The following DPYD variants were observed in gnomAD, a reference collection of about 807,000 sequenced individuals.
DPYD encodes the protein dihydropyrimidine dehydrogenase [NADP(+)].
A neutral mutation model predicts 116.2 loss-of-function variants in DPYD; 109 were observed. The ratio of observed to expected loss-of-function variants is 0.94; its 90% CI spans 0.80 to 1.10. The LOEUF (loss-of-function observed/expected upper bound fraction) is 1.10. Ranked by LOEUF, DPYD falls within the 50% of genes least tolerant of loss-of-function variation. The pLI, the probability that DPYD is intolerant of heterozygous loss-of-function variation, is 0.00. For missense variants in DPYD, 1,302 were observed against 1,254.5 expected, an observed-to-expected ratio of 1.04 and a Z score of -0.57; for synonymous variants, 440 against 432.0, an observed-to-expected ratio of 1.02 and a Z score of -0.23.
intron 14 of DPYD, among the ~76,000 whole-genome samples, chr1:97,390,817 T>C (rs1387169838): frequency 3.9e-5 from 6 of 151,930 alleles, no homozygotes; most frequent in Admixed American, 3.9e-4. Flanking sequence ...TACAGTAACT[T>C]GCTTTTTCCT....
intron 5 of DPYD, among the ~76,000 whole-genome samples, chr1:97,711,311 C>T (rs986806715): frequency 1.6e-4 from 25 of 151,872 alleles, no homozygotes; most frequent in African/African-American, 4.6e-4. Context: ...TATCCAAAAT[C>T]ATATGCTCAG....
At chr1:97,504,211 C>T (rs1192989472) in intron 13 of DPYD, among the ~76,000 whole-genome samples, 1 of 151,948 alleles carries the variant, frequency 6.6e-6, no homozygotes, top group Non-Finnish European at 1.5e-5. Flanking sequence ...GTGTTCCCCG[C>T]AGTTTTATTT....
At chr1:97,852,035 A>AG (rs1670595803) in intron 2 of DPYD, among the ~76,000 whole-genome samples, 3 of 151,432 alleles carry the variant, frequency 2.0e-5, no homozygotes, top group South Asian at 2.1e-4. Context: ...AAAAAAAAAA[A>AG]AAAGAAAGAA....
intron 3 of DPYD, among the ~76,000 whole-genome samples, chr1:97,770,696 T>C (rs1666092817): frequency 6.6e-6 from 1 of 152,190 alleles, no homozygotes; most frequent in African/African-American, 2.4e-5. Flanking sequence ...TTTCATTAAA[T>C]TGGGAAACTT....
intron 1 of DPYD, among the ~76,000 whole-genome samples, chr1:97,900,889 C>T (rs1379382746): frequency 6.6e-6 from 1 of 151,870 alleles, no homozygotes; most frequent in Non-Finnish European, 1.5e-5. Context: ...GCAAAACACC[C>T]TATCTCTATT....
intron 13 of DPYD, among the ~76,000 whole-genome samples, chr1:97,451,712 G>A (rs1329936696): frequency 6.6e-6 from 1 of 152,114 alleles, no homozygotes; most frequent in Non-Finnish European, 1.5e-5. Flanking sequence ...GTCCCTACAG[G>A]TGGCTCTGTG....
intron 11 of DPYD, among the ~76,000 whole-genome samples, chr1:97,569,333 A>G (rs915981283): frequency 6.6e-6 from 1 of 151,422 alleles, no homozygotes; most frequent in East Asian, 1.9e-4. Context: ...ACACAATTCA[A>G]TTCAATAAAT....
intron 4 of DPYD, among the ~76,000 whole-genome samples, chr1:97,725,431 T>G (rs1315513370): frequency 6.6e-6 from 1 of 151,602 alleles, no homozygotes; most frequent in Non-Finnish European, 1.5e-5. Context: ...CAGCTGAGTT[T>G]GCAAAAATTG....
chr1:97,079,820 T>C (rs989766780), intron 22 of DPYD, among the ~76,000 whole-genome samples: 80 of 152,026 alleles, frequency 5.3e-4, no homozygotes, highest in African/African-American at 1.9e-3. Flanking sequence ...TGAAACGGCT[T>C]AGGATTTTGA....
At chr1:97,445,932 G>T (rs1478341619) in intron 14 of DPYD, among the ~76,000 whole-genome samples, 1 of 151,898 alleles carries the variant, frequency 6.6e-6, no homozygotes, top group African/African-American at 2.4e-5. Context: ...TCACCATGTT[G>T]GTCAGGCTGG....
At chr1:97,645,620 T>C (rs1419344413) in intron 8 of DPYD, among the ~76,000 whole-genome samples, 1 of 152,108 alleles carries the variant, frequency 6.6e-6, no homozygotes, top group Non-Finnish European at 1.5e-5. Flanking sequence ...TCTAATGCTA[T>C]ATTATTTTAA....
intron 3 of DPYD, among the ~76,000 whole-genome samples, chr1:97,754,767 G>T (rs748891687): frequency 6.6e-6 from 1 of 152,272 alleles, no homozygotes. Flanking sequence ...TTATGTACAG[G>T]TGGGGTAATA....
At chr1:97,363,749 CAAT>C (rs1670874396) in intron 16 of DPYD, among the ~76,000 whole-genome samples, 1 of 152,096 alleles carries the variant, frequency 6.6e-6, no homozygotes, top group Admixed American at 6.6e-5. Flanking sequence ...GGGAATTTAA[CAAT>C]GAGAACACTT....
intron 20 of DPYD, among the ~76,000 whole-genome samples, chr1:97,101,634 A>C (rs1650698558): frequency 6.6e-6 from 1 of 152,020 alleles, no homozygotes; most frequent in African/African-American, 2.4e-5. Flanking sequence ...ACATATAGTT[A>C]ATTGATTTCC....
chr1:97,173,339 T>C (rs1458368686), intron 20 of DPYD, among the ~76,000 whole-genome samples: 3 of 149,938 alleles, frequency 2.0e-5, no homozygotes, highest in African/African-American at 7.4e-5. Flanking sequence ...TATATGTGTA[T>C]ATATGCACAC....
At chr1:97,620,061 T>C (rs1656538510) in intron 8 of DPYD, among the ~76,000 whole-genome samples, 1 of 151,912 alleles carries the variant, frequency 6.6e-6, no homozygotes, top group South Asian at 2.1e-4. Flanking sequence ...ACATAGGCAC[T>C]TTGGAATTAT....
chr1:97,822,847 T>C (rs1204130308), intron 3 of DPYD, among the ~76,000 whole-genome samples: 2 of 152,206 alleles, frequency 1.3e-5, no homozygotes, highest in Non-Finnish European at 2.9e-5. Context: ...TTGTTTGCCA[T>C]TAGAGTTGAA....
rs575853463 is a variant in DPYD, at chr1:97,373,592, C to T, written c.2027G>A (p.Gly676Glu). 24 of 1,613,876 alleles carry T rather than the reference C, an allele frequency of 1.5e-5. 1 individual carries two copies. The South Asian group carries it at 2.6e-4, about 18-fold the overall frequency. Reference sequence around the variant, plus strand: ...ACAGGCCAGGCCCATTCCTCTTTCTCCCATGCCATGTGGACATGATAAATT... The same window carrying T: ...ACAGGCCAGGCCCATTCCTCTTTCTTCCATGCCATGTGGACATGATAAATT... ...ELNLSCPHGM[G>E]ERGMGLACGQ... Residue 676 changes from glycine (G) to glutamate (E), a missense_variant, in exon 16 of 23, where the codon GGA becomes GAA. Transcript: ENST00000370192.
intron 8 of DPYD, among the ~76,000 whole-genome samples, chr1:97,649,723 G>A (rs1054910357): frequency 3.3e-5 from 5 of 152,032 alleles, no homozygotes; most frequent in African/African-American, 1.2e-4. Flanking sequence ...ATATTTGAAA[G>A]TTTAATATAA....
Sources: allele counts gnomAD v4.1 joint callset (sites outside exome capture counted in the v4.1 genomes callset), GRCh38; gene constraint gnomAD v4.1.1; transcripts MANE v1.5; gene names NCBI Gene and HGNC (gene_info 2026-07-23, HGNC 2026-07-21).